The following SLC24A3 variants were observed in gnomAD, a reference collection of about 807,000 sequenced individuals.
The protein encoded by SLC24A3 is solute carrier family 24 member 3, also known as sodium/potassium/calcium exchanger 3.
SLC24A3 carries 28 observed loss-of-function variants against 75.8 expected under a neutral mutation model. That is an observed-to-expected ratio of 0.37 (90% CI 0.27 to 0.51). The LOEUF (loss-of-function observed/expected upper bound fraction) is 0.51. SLC24A3 is among the 20% of genes least tolerant of loss of function. The probability of loss-of-function intolerance (pLI) is 0.94; values close to 1 mark genes in which losing one functional copy is unlikely to be tolerated. For missense variants in SLC24A3, 663 were observed against 847.8 expected, an observed-to-expected ratio of 0.78 and a Z score of 2.71; for synonymous variants, 372 against 334.1, an observed-to-expected ratio of 1.11 and a Z score of -1.24.
intron 15 of SLC24A3, among the ~76,000 whole-genome samples, chr20:19,711,477 AAC>A (rs1401474856): frequency 6.6e-6 from 1 of 150,872 alleles, no homozygotes; most frequent in Non-Finnish European, 1.5e-5. Flanking sequence ...CACAAATGCA[AAC>A]ACATGCAGGC....
At chr20:19,338,209 C>CT (rs1181765405) in intron 2 of SLC24A3, among the ~76,000 whole-genome samples, 1 of 152,216 alleles carries the variant, frequency 6.6e-6, no homozygotes, top group Non-Finnish European at 1.5e-5. Flanking sequence ...AAGTCAAGCT[C>CT]TCCCCTGCCC....
intron 2 of SLC24A3, among the ~76,000 whole-genome samples, chr20:19,430,749 G>A (rs1433691840): frequency 2.0e-5 from 3 of 151,976 alleles, no homozygotes; most frequent in African/African-American, 7.3e-5. Context: ...AGCACAGCTA[G>A]GTAGACTCAC....
At chr20:19,700,322 C>T (rs1308869027) in intron 15 of SLC24A3, among the ~76,000 whole-genome samples, 1 of 152,130 alleles carries the variant, frequency 6.6e-6, no homozygotes, top group African/African-American at 2.4e-5. Flanking sequence ...TCCAGTGGTT[C>T]TACCATCTTG....
chr20:19,227,394 C>CT (rs57215059), intron 1 of SLC24A3, among the ~76,000 whole-genome samples: 19,773 of 144,572 alleles, frequency 0.14, 1,328 homozygotes, highest in African/African-American at 0.17. Flanking sequence ...CTTGTTCATT[C>CT]TTTTTTTTTT....
At chr20:19,564,046 C>G (rs1329370132) in intron 3 of SLC24A3, among the ~76,000 whole-genome samples, 1 of 152,140 alleles carries the variant, frequency 6.6e-6, no homozygotes, top group African/African-American at 2.4e-5. Flanking sequence ...GATACCTAGA[C>G]AGAAGTCATT....
rs35470030 is a variant in SLC24A3 at position 19,338,110 on chromosome 20, C to T, written c.271+57023C>T. ...TTGTAATTATCTATCACATTGGCCC[C>T]TTCACCAAGATGGTAAAAAATATAC... is the stretch of plus-strand genomic sequence containing the variant. On this transcript the variant is annotated intron_variant, in intron 2 of 16. Transcript: ENST00000328041. Among the ~76,000 whole-genome samples, 409 of 152,266 alleles carry T rather than the reference C, an allele frequency of 2.7e-3. 16 individuals are homozygous for T. The highest frequency in any genetic ancestry group is 0.026 in the Admixed American group (397 of 15,294).
chr20:19,593,625 G>A (rs2031411186), intron 6 of SLC24A3, among the ~76,000 whole-genome samples: 1 of 152,214 alleles, frequency 6.6e-6, no homozygotes, highest in East Asian at 1.9e-4. Context: ...AATGAGTTGG[G>A]AGACGTTGAG....
chr20:19,627,252 C>T (rs2031877302), intron 6 of SLC24A3, among the ~76,000 whole-genome samples: 1 of 152,154 alleles, frequency 6.6e-6, no homozygotes, highest in South Asian at 2.1e-4. Context: ...AGTGGTACAA[C>T]CGCACATAAG....
At chr20:19,256,223 C>G (rs1449877066) in intron 1 of SLC24A3, among the ~76,000 whole-genome samples, 1 of 152,098 alleles carries the variant, frequency 6.6e-6, no homozygotes, top group African/African-American at 2.4e-5. Flanking sequence ...AATTCATAAG[C>G]AATTCAGCAA....
chr20:19,447,925 C>T (rs1987414137), intron 2 of SLC24A3, among the ~76,000 whole-genome samples: 1 of 152,240 alleles, frequency 6.6e-6, no homozygotes, highest in South Asian at 2.1e-4. Context: ...TGAATGCATA[C>T]ATGCGTGAAT....
chr20:19,217,925 A>G (rs1371667026), intron 1 of SLC24A3, among the ~76,000 whole-genome samples: 1 of 152,112 alleles, frequency 6.6e-6, no homozygotes, highest in African/African-American at 2.4e-5. Flanking sequence ...TGTTCCCTTC[A>G]TAGCATTTAT....
intron 1 of SLC24A3, among the ~76,000 whole-genome samples, chr20:19,273,377 C>T (rs1395673199): frequency 6.6e-6 from 1 of 152,204 alleles, no homozygotes; most frequent in Non-Finnish European, 1.5e-5. Flanking sequence ...ACCCCACAGC[C>T]TCACATCAGA....
Position 19,418,955 on chromosome 20 carries a change from G to A in SLC24A3, c.272-96533G>A, listed in dbSNP as rs374519543. The stretch of plus-strand genomic sequence containing the variant: ...GAATCAGACATGTTTCAAACCACGA[G>A]TCTATTATGATGCCTAAAAAAAGAA... On this transcript the variant is annotated intron_variant, in intron 2 of 16. Coordinates refer to ENST00000328041, the MANE Select transcript of SLC24A3 (RefSeq NM_020689.4). Among the ~76,000 whole-genome samples, 5 of 152,094 alleles carry A rather than the reference G, an allele frequency of 3.3e-5. No homozygotes were observed. The East Asian group carries it at 7.7e-4, about 23-fold the overall frequency.
At chr20:19,428,531 A>C (rs934851136) in intron 2 of SLC24A3, among the ~76,000 whole-genome samples, 1 of 152,224 alleles carries the variant, frequency 6.6e-6, no homozygotes, top group Non-Finnish European at 1.5e-5. Context: ...CTTGCAACAG[A>C]CATTATTTTC....
intron 3 of SLC24A3, among the ~76,000 whole-genome samples, chr20:19,544,841 T>G (rs2122591247): frequency 6.6e-6 from 1 of 152,222 alleles, no homozygotes; most frequent in South Asian, 2.1e-4. Context: ...GCAGTTTGAA[T>G]GAAGCAACTC....
intron 6 of SLC24A3, among the ~76,000 whole-genome samples, chr20:19,603,631 A>C (rs1047677998): frequency 6.6e-6 from 1 of 152,232 alleles, no homozygotes; most frequent in Non-Finnish European, 1.5e-5. Context: ...CCATCAGAAG[A>C]AAGAAGAGGT....
At chr20:19,640,157 G>C (rs986283456) in intron 6 of SLC24A3, among the ~76,000 whole-genome samples, 5 of 152,260 alleles carry the variant, frequency 3.3e-5, no homozygotes, top group African/African-American at 1.2e-4. Context: ...CGCGGAGAGC[G>C]AGCGAGGGCT....
At chr20:19,658,334 C>A (rs533206176) in intron 7 of SLC24A3, among the ~76,000 whole-genome samples, 1 of 152,112 alleles carries the variant, frequency 6.6e-6, no homozygotes, top group African/African-American at 2.4e-5. Flanking sequence ...TCAGCTGATG[C>A]GGGCGGGGCA....
At chr20:19,556,813 AACTAGAAAACAAC>A (rs2030795284) in intron 3 of SLC24A3, among the ~76,000 whole-genome samples, 1 of 152,196 alleles carries the variant, frequency 6.6e-6, no homozygotes, top group African/African-American at 2.4e-5. Context: ...AAAGAAGTCT[AACTAGAAAACAAC>A]ACCAGGCAAT....
Sources: allele counts gnomAD v4.1 joint callset (sites outside exome capture counted in the v4.1 genomes callset), GRCh38; gene constraint gnomAD v4.1.1; transcripts MANE v1.5; gene names NCBI Gene and HGNC (gene_info 2026-07-23, HGNC 2026-07-21).